Variants in TNRC6A observed in about 807,000 individuals in gnomAD.
TNRC6A encodes trinucleotide repeat containing adaptor 6A, also known as trinucleotide repeat-containing gene 6A protein.
TNRC6A carries 44 observed loss-of-function variants against 221.2 expected under a neutral mutation model. The ratio of observed to expected loss-of-function variants is 0.20; its 90% CI spans 0.16 to 0.26. TNRC6A has a LOEUF of 0.26. Ranked by LOEUF, TNRC6A falls within the 10% of genes least tolerant of loss-of-function variation. The probability of loss-of-function intolerance (pLI) is 1.00; values close to 1 mark genes in which losing one functional copy is unlikely to be tolerated. For synonymous variants in TNRC6A, 847 were observed against 838.5 expected (o/e 1.01, Z -0.18); for missense variants, 2,199 against 2,404.4 (o/e 0.91, Z 1.79).
chr16:24,731,248 C>G (rs982121308), intron 2 of TNRC6A, among the ~76,000 whole-genome samples: 4 of 151,914 alleles, frequency 2.6e-5, no homozygotes, highest in African/African-American at 4.8e-5. Flanking sequence ...TCTCCTATCT[C>G]AGGTTTTAAT....
chr16:24,729,981 A>C (rs1274290288), intron 1 of TNRC6A, 135 bp downstream of exon 1: 1 of 838,070 alleles, frequency 1.2e-6, no homozygotes, highest in Non-Finnish European at 1.5e-6. Context: ...GGGAGGGCGC[A>C]GGCTGCGTTG....
intron 2 of TNRC6A, among the ~76,000 whole-genome samples, chr16:24,655,698 A>AC (rs1171167867): frequency 6.6e-6 from 1 of 152,190 alleles, no homozygotes; most frequent in African/African-American, 2.4e-5. Context: ...TCAAAAAAAA[A>AC]AGAGTATTTC....
intron 1 of TNRC6A, among the ~76,000 whole-genome samples, chr16:24,640,168 G>A (rs1476823520): frequency 6.6e-6 from 1 of 152,190 alleles, no homozygotes; most frequent in Non-Finnish European, 1.5e-5. Context: ...GGGAGGCCAA[G>A]GCAGGTGGAT....
chr16:24,775,764 G>C (rs1002107991), intron 4 of TNRC6A, among the ~76,000 whole-genome samples: 3 of 152,170 alleles, frequency 2.0e-5, no homozygotes, highest in Non-Finnish European at 2.9e-5. Flanking sequence ...TTAATTCCAG[G>C]GTGGGAGCTC....
intron 2 of TNRC6A, among the ~76,000 whole-genome samples, chr16:24,745,517 G>A (rs559450166): frequency 2.0e-5 from 3 of 152,204 alleles, no homozygotes. Flanking sequence ...TTTCTAGCTT[G>A]TAACATACAG....
In TNRC6A at chr16:24,676,662, C is replaced by T. The variant is rs545310746; in HGVS notation, n.402+35653C>T. ...AGAGACAAGGTCTTGCCATGTTGCT[C>T]AGGCTAGTTTTGAACTCCTGGGCTC... On this transcript the variant is annotated intron_variant and non_coding_transcript_variant, in intron 2 of 2. Coordinates refer to the TNRC6A transcript ENST00000566108. Among the ~76,000 whole-genome samples the T allele has an allele frequency of 1.1e-4, 16 of 152,220 alleles. No individual in the cohort carries two copies. In the East Asian group the frequency reaches 2.7e-3, roughly 26 times the overall value.
chr16:24,660,069 T>C (rs2054996462), intron 2 of TNRC6A, among the ~76,000 whole-genome samples: 2 of 152,176 alleles, frequency 1.3e-5, no homozygotes, highest in South Asian at 2.1e-4. Flanking sequence ...TTTATTTTAT[T>C]TTATTTTTTT....
chr16:24,817,280 A>T lies in TNRC6A; in HGVS notation c.4972+324A>T, dbSNP rs555408385. Among the ~76,000 whole-genome samples, 167 of 152,362 alleles carry T rather than the reference A, an allele frequency of 1.1e-3. 2 individuals carry two copies. The highest frequency in any genetic ancestry group is 3.8e-3 in the African/African-American group (160 of 41,588). On this transcript the variant is annotated intron_variant, in intron 20 of 24. Coordinates refer to ENST00000395799, the MANE Select transcript of TNRC6A (RefSeq NM_014494.4). ...TTAATTTAATAAGTTAACATAAAGG[A>T]CCAGCAAACCTTTGCTTTCCAGCAG... is the stretch of plus-strand genomic sequence containing the variant.
chr16:24,667,812 G>A (rs1204345474), intron 2 of TNRC6A, among the ~76,000 whole-genome samples: 1 of 152,176 alleles, frequency 6.6e-6, no homozygotes, highest in Non-Finnish European at 1.5e-5. Flanking sequence ...GCTGAGGCAG[G>A]AGGATGACTT....
At chr16:24,705,025 G>A (rs908982545) in intron 2 of TNRC6A, among the ~76,000 whole-genome samples, 6 of 152,046 alleles carry the variant, frequency 3.9e-5, no homozygotes, top group Non-Finnish European at 8.8e-5. Context: ...AAAAAGCTTA[G>A]CGCAAGTGGA....
rs1392146818 is a variant in TNRC6A, at chr16:24,806,415, T to C, written c.4329+132T>C. 6 of 1,369,732 alleles carry C rather than the reference T, an allele frequency of 4.4e-6. No individual in the cohort carries two copies. The African/African-American group carries it at 8.6e-5, about 20-fold the overall frequency. The allele number at this position is 1,369,732 out of a possible 1,614,324, so 84.8% of individuals were successfully genotyped here. ...AAGATGTAATGCAGTATGTTTTTCA[T>C]TAAGTCTGCTGGTTGCCCATGAGTT... is the stretch of plus-strand genomic sequence containing the variant. On this transcript the variant is annotated intron_variant, in intron 16 of 24. Transcript: ENST00000395799.
Position 24,791,370 on chromosome 16 carries a change from T to A in TNRC6A, c.2728T>A (p.Trp910Arg). The A allele has an allele frequency of 6.3e-7, 1 of 1,590,946 alleles. No homozygotes were observed. The highest frequency in any genetic ancestry group is 8.6e-7 in the Non-Finnish European group (1 of 1,168,814). Residue 910 changes from tryptophan (W) to arginine (R), a missense_variant, in exon 6 of 25, where the codon TGG (tryptophan) becomes AGG (arginine). Coordinates refer to ENST00000395799, the MANE Select transcript of TNRC6A (RefSeq NM_014494.4). ...CATAAATCCAAATAATTCATCAGGATGGGATGAATCTTCTAAACCTACTCC... is the reference window on the plus strand; with the variant it reads ...CATAAATCCAAATAATTCATCAGGAAGGGATGAATCTTCTAAACCTACTCC... ...NNINPNNSSG[W>R]DESSKPTPSQ...
chr16:24,814,301 C>T (rs73551554), intron 18 of TNRC6A, among the ~76,000 whole-genome samples: 2,308 of 151,646 alleles, frequency 0.015, 68 homozygotes, highest in African/African-American at 0.053. Context: ...GAGTTGCGAG[C>T]GAGGTTCTAT....
chr16:24,714,464 A>G (rs2056274001), intron 2 of TNRC6A, among the ~76,000 whole-genome samples: 1 of 151,664 alleles, frequency 6.6e-6, no homozygotes, highest in Non-Finnish European at 1.5e-5. Flanking sequence ...GCCCACCACC[A>G]AACCCGGCTA....
chr16:24,662,914 C>T (rs1290889681), intron 2 of TNRC6A: 1 of 153,744 alleles, frequency 6.5e-6, no homozygotes, highest in African/African-American at 2.4e-5. Flanking sequence ...TAAACAGGAG[C>T]TTCTGCAAAC....
intron 2 of TNRC6A, among the ~76,000 whole-genome samples, chr16:24,709,800 G>C (rs1047166866): frequency 4.5e-5 from 6 of 134,160 alleles, no homozygotes. Context: ...GTGCCAGCCT[G>C]GGCAACAGAA....
chr16:24,648,566 G>T (rs77703492), intron 2 of TNRC6A, among the ~76,000 whole-genome samples: 1,604 of 152,148 alleles, frequency 0.011, 26 homozygotes, highest in African/African-American at 0.037. Context: ...CACCGCGCCC[G>T]GCCCACAGCA....
At chr16:24,617,157 A>G (rs1392360938) in intron 1 of TNRC6A, among the ~76,000 whole-genome samples, 3 of 147,626 alleles carry the variant, frequency 2.0e-5, no homozygotes, top group Non-Finnish European at 3.0e-5. Flanking sequence ...ATGGAGTCCC[A>G]CTCTGTTGCC....
intron 1 of TNRC6A, among the ~76,000 whole-genome samples, chr16:24,610,866 AGTGGCGCAATCTCG>A (rs1266222649): frequency 3.3e-5 from 5 of 151,896 alleles, no homozygotes; most frequent in Middle Eastern, 3.4e-3. Context: ...GCTGGAGTGC[AGTGGCGCAATCTCG>A]GCTCGCTGCA....
Sources: allele counts gnomAD v4.1 joint callset (sites outside exome capture counted in the v4.1 genomes callset), GRCh38; gene constraint gnomAD v4.1.1; transcripts MANE v1.5; gene names NCBI Gene and HGNC (gene_info 2026-07-23, HGNC 2026-07-21).